Variants in TBC1D30 observed in about 807,000 individuals in gnomAD.
The protein encoded by TBC1D30 is TBC1 domain family member 30, also known as TBC1 domain family, member 30.
Under a neutral mutation model 63.2 loss-of-function variants are expected in TBC1D30, and 31 were observed. The observed-to-expected ratio is 0.49, with a 90% CI of 0.37 to 0.66. The LOEUF (loss-of-function observed/expected upper bound fraction) is 0.66, where lower values mean the gene tolerates loss of function less well. Ranked by LOEUF, TBC1D30 falls within the 30% of genes least tolerant of loss-of-function variation. The pLI, the probability that TBC1D30 is intolerant of heterozygous loss-of-function variation, is 0.00. For missense variants in TBC1D30, 810 were observed against 953.6 expected (o/e 0.85, Z 1.98); for synonymous variants, 307 against 361.5 (o/e 0.85, Z 1.71).
intron 8 of TBC1D30, among the ~76,000 whole-genome samples, chr12:64,861,459 T>C (rs1877780691): frequency 6.6e-6 from 1 of 152,200 alleles, no homozygotes; most frequent in East Asian, 1.9e-4. Flanking sequence ...AAATGTGGGC[T>C]GAATGTAAGG....
chr12:64,868,974 T>A (rs911230520), intron 10 of TBC1D30, among the ~76,000 whole-genome samples: 3 of 151,976 alleles, frequency 2.0e-5, no homozygotes, highest in Non-Finnish European at 4.4e-5. Flanking sequence ...CATGTTTTAT[T>A]TCATTTTTTT....
intron 1 of TBC1D30, 64 bp from the exon 2 acceptor site, chr12:64,827,771 G>A: frequency 9.0e-7 from 1 of 1,109,496 alleles, no homozygotes; most frequent in Non-Finnish European, 1.3e-6. Context: ...GCTTTTACTA[G>A]TATTTTTGAT....
At chr12:64,783,957 C>T (rs1252331422) in intron 1 of TBC1D30, among the ~76,000 whole-genome samples, 1 of 148,770 alleles carries the variant, frequency 6.7e-6, no homozygotes, top group Non-Finnish European at 1.5e-5. Flanking sequence ...CGTGCCCAGC[C>T]CAAAATATTG....
chr12:64,820,250 G>C (rs372067288), upstream of TBC1D30, among the ~76,000 whole-genome samples: 3 of 152,142 alleles, frequency 2.0e-5, no homozygotes, highest in African/African-American at 7.2e-5. Flanking sequence ...TTTATTCCTT[G>C]TGTTGGGCTT....
At chr12:64,837,585 A>C (rs938802801) in intron 6 of TBC1D30, among the ~76,000 whole-genome samples, 2 of 152,112 alleles carry the variant, frequency 1.3e-5, no homozygotes, top group African/African-American at 2.4e-5. Flanking sequence ...CTCAGGTAGT[A>C]AACAATGGGG....
At chr12:64,873,241 G>T (rs1878791928) in intron 11 of TBC1D30, among the ~76,000 whole-genome samples, 1 of 152,150 alleles carries the variant, frequency 6.6e-6, no homozygotes. Context: ...TTTTCATGGA[G>T]TAATTGGGGG....
intron 2 of TBC1D30, among the ~76,000 whole-genome samples, chr12:64,795,289 G>A (rs1872185366): frequency 6.6e-6 from 1 of 152,214 alleles, no homozygotes; most frequent in African/African-American, 2.4e-5. Context: ...TATTTTGGGA[G>A]CCGAGTGGGG....
At chr12:64,870,564 C>A in intron 10 of TBC1D30, 38 bp from the exon 11 acceptor site, 1 of 1,502,028 alleles carries the variant, frequency 6.7e-7, no homozygotes, top group Non-Finnish European at 9.0e-7. Flanking sequence ...TGTTCCCCTC[C>A]ACCGACCATC....
intron 2 of TBC1D30, among the ~76,000 whole-genome samples, chr12:64,819,493 T>A (rs987909958): frequency 1.5e-4 from 22 of 144,046 alleles, no homozygotes; most frequent in African/African-American, 5.3e-4. Context: ...CTCGGCTCAC[T>A]GCAAGCTCCG....
At chr12:64,771,816 A>G (rs1870915688) in intron 1 of TBC1D30, among the ~76,000 whole-genome samples, 1 of 152,180 alleles carries the variant, frequency 6.6e-6, no homozygotes, top group Non-Finnish European at 1.5e-5. Flanking sequence ...GTGGAAGGAA[A>G]AGTGGTCTGA....
rs567362909 is a variant in TBC1D30, at chr12:64,875,551, A to G, written c.2049A>G (p.Pro683=). 1 of 1,536,182 alleles carries G rather than the reference A, an allele frequency of 6.5e-7. No individual in the cohort carries two copies. The highest frequency in any genetic ancestry group is 1.2e-5 in the South Asian group (1 of 84,064). The change falls in exon 12 of 12, where the codon CCA becomes CCG. Residue 683 remains proline, a synonymous_variant. Coordinates refer to ENST00000539867, the MANE Select transcript of TBC1D30 (RefSeq NM_015279.2). ...RVHPPCQRHC[P]EPPSAPEENK... is the part of the protein sequence containing the mutation. ...ACCCACCCTGCCAGCGGCACTGCCC[A>G]GAGCCGCCGAGTGCACCCGAAGAAA... is the stretch of plus-strand genomic sequence containing the variant.
chr12:64,826,206 G>A (rs1874334642), intron 1 of TBC1D30, among the ~76,000 whole-genome samples: 1 of 152,136 alleles, frequency 6.6e-6, no homozygotes. Context: ...AGAAAAGTGG[G>A]GTGAAAGTGA....
chr12:64,813,538 A>G (rs368039695), intron 2 of TBC1D30, among the ~76,000 whole-genome samples: 85 of 152,218 alleles, frequency 5.6e-4, no homozygotes, highest in African/African-American at 2.0e-3. Flanking sequence ...AAACCCAGGC[A>G]GCTGTACATT....
At chr12:64,819,727 AAAGTGTT>A (rs1456066688), upstream of TBC1D30, among the ~76,000 whole-genome samples, 5 of 152,174 alleles carry the variant, frequency 3.3e-5, no homozygotes, top group Non-Finnish European at 5.9e-5. Flanking sequence ...AGGTCTGAGG[AAAGTGTT>A]AACTTCTTGT....
In TBC1D30 at chr12:64,870,689, C is replaced by A. The variant is rs1878585863; in HGVS notation, c.1379C>A (p.Ala460Glu). ...AATTCCTGTCGAAGTGAATACCATGCAGCTTTTAACAGTATGATGATGGAA... is the reference window on the plus strand; with the variant it reads ...AATTCCTGTCGAAGTGAATACCATGAAGCTTTTAACAGTATGATGATGGAA... The part of the protein sequence containing the change: ...AINSCRSEYH[A>E]AFNSMMMERM... Residue 460 changes from alanine (A) to glutamate (E), a missense_variant, in exon 11 of 12, where the codon GCA becomes GAA. Around this residue, in one of 4 missense-constraint regions of TBC1D30, gnomAD observed 450 missense variants for 473.0 expected, o/e 0.95. Transcript: ENST00000539867. 1 of 1,535,972 alleles carries A rather than the reference C, an allele frequency of 6.5e-7. No homozygotes were observed. The highest frequency in any genetic ancestry group is 1.4e-5 in the African/African-American group (1 of 73,004).
upstream of TBC1D30, among the ~76,000 whole-genome samples, chr12:64,777,753 A>G (rs1222897991): frequency 6.6e-6 from 1 of 152,158 alleles, no homozygotes; most frequent in Non-Finnish European, 1.5e-5. Context: ...ACTAGAAAAA[A>G]CTATTTTAAA....
rs1014582218 is a variant in TBC1D30, at chr12:64,880,800, A to G, written c.*5012A>G. ...CTTCAAGAGTTGTTGTTGTTTTAACATTAAAAAACCAGAAAGTTCACTTGT... is the reference window on the plus strand; with the variant it reads ...CTTCAAGAGTTGTTGTTGTTTTAACGTTAAAAAACCAGAAAGTTCACTTGT... On this transcript the variant is annotated 3_prime_UTR_variant, in exon 12 of 12. Coordinates refer to ENST00000539867, the MANE Select transcript of TBC1D30 (RefSeq NM_015279.2). 6.6e-6 allele frequency: 1 copy of G among 152,190 alleles called. No homozygotes were observed. 9.4% of individuals were successfully genotyped at this position (152,190 alleles called of 1,614,324 possible). A position where few individuals can be genotyped will look rare whatever the true frequency, so the allele number is the denominator to read the frequency against.
chr12:64,778,010 C>T (rs1024148812), upstream of TBC1D30, among the ~76,000 whole-genome samples: 1 of 152,162 alleles, frequency 6.6e-6, no homozygotes, highest in East Asian at 1.9e-4. Flanking sequence ...GATCCACCTG[C>T]CTTGGCCTCC....
At chr12:64,774,301 T>C (rs1351367797) in intron 1 of TBC1D30, among the ~76,000 whole-genome samples, 1 of 152,196 alleles carries the variant, frequency 6.6e-6, no homozygotes, top group Non-Finnish European at 1.5e-5. Flanking sequence ...GTAAAGAGAC[T>C]GAATCTTTGA....
Sources: allele counts gnomAD v4.1 joint callset (sites outside exome capture counted in the v4.1 genomes callset), GRCh38; gene constraint gnomAD v4.1.1; regional missense constraint gnomAD v4.1.1; transcripts MANE v1.5; gene names NCBI Gene and HGNC (gene_info 2026-07-23, HGNC 2026-07-21).